Variants in PCLO observed in about 807,000 individuals in gnomAD.
The protein encoded by PCLO is protein piccolo.
In PCLO, 82 loss-of-function variants were observed where a neutral mutation model predicts 427.5. That is an observed-to-expected ratio of 0.19 (90% confidence interval 0.16 to 0.23). The LOEUF is 0.23. Among genes scored for constraint, PCLO ranks in the 10% least tolerant of loss-of-function variants. PCLO has a pLI of 1.00. For synonymous variants in PCLO, 2,357 were observed against 2,155.4 expected, an observed-to-expected ratio of 1.09 and a Z score of -2.59; for missense variants, 6,239 against 6,115.9, an observed-to-expected ratio of 1.02 and a Z score of -0.67.
chr7:82,923,426 T>C (rs553666429), intron 6 of PCLO, among the ~76,000 whole-genome samples: 1 of 152,138 alleles, frequency 6.6e-6, no homozygotes, highest in Admixed American at 6.6e-5. Context: ...CATATTAAAA[T>C]CTTTATTCAT....
At chr7:82,762,653 C>CAAT (rs72565364) in intron 22 of PCLO, among the ~76,000 whole-genome samples, 11,899 of 151,604 alleles carry the variant, frequency 0.078, 1,136 homozygotes, top group African/African-American at 0.23. Flanking sequence ...AATCAAATGA[C>CAAT]AACTGCTTTA....
intron 3 of PCLO, among the ~76,000 whole-genome samples, chr7:82,999,194 A>G (rs191451177): frequency 7.7e-4 from 112 of 146,268 alleles, no homozygotes; most frequent in African/African-American, 2.6e-3. Context: ...AATATTCCAG[A>G]ATTGTGGGAT....
Position 82,916,308 on chromosome 7 carries a change from G to A in PCLO, c.11678C>T (p.Pro3893Leu). The A allele has an allele frequency of 6.2e-7, 1 of 1,613,654 alleles. No homozygotes were observed. The highest frequency in any genetic ancestry group is 8.5e-7 in the Non-Finnish European group (1 of 1,179,694). Residue 3893 changes from proline (P) to leucine (L), a missense_variant, in exon 7 of 25, where the codon CCT (proline) becomes CTT (leucine). Around this residue, in one of 5 missense-constraint regions of PCLO, gnomAD observed 680 missense variants for 677.3 expected, o/e 1.00. Transcript: ENST00000333891. Reference protein sequence around the residue: ...SPYTQYQYSSPALPTQAPTSY... With the variant: ...SPYTQYQYSSLALPTQAPTSY... ...GGTGGGTGCTTGGGTAGGAAGAGCA[G>A]GGGAAGAGTACTGGTATTGTGTGTA...
intron 3 of PCLO, among the ~76,000 whole-genome samples, chr7:83,119,950 T>C (rs976226593): frequency 5.9e-5 from 9 of 151,440 alleles, no homozygotes; most frequent in Admixed American, 3.3e-4. Context: ...AGAAGAAAGA[T>C]TTAGTGAGCA....
At chr7:82,981,456 A>G (rs984856552) in intron 3 of PCLO, among the ~76,000 whole-genome samples, 6 of 152,146 alleles carry the variant, frequency 3.9e-5, no homozygotes, top group Non-Finnish European at 7.4e-5. Flanking sequence ...TGAGTGAAGA[A>G]AGATCAGAAT....
intron 3 of PCLO, among the ~76,000 whole-genome samples, chr7:83,126,641 G>T (rs1791446307): frequency 1.3e-5 from 2 of 151,748 alleles, no homozygotes; most frequent in Non-Finnish European, 2.9e-5. Flanking sequence ...ACAGATAAGG[G>T]AAAATCATTT....
intron 3 of PCLO, among the ~76,000 whole-genome samples, chr7:83,017,639 T>C (rs41602): frequency 0.22 from 33,408 of 151,848 alleles, 4,415 homozygotes; most frequent in Middle Eastern, 0.33. Context: ...GAAATGTATA[T>C]TACATATACA....
intron 9 of PCLO, among the ~76,000 whole-genome samples, chr7:82,897,548 A>G (rs1793935525): frequency 6.6e-6 from 1 of 151,466 alleles, no homozygotes; most frequent in Non-Finnish European, 1.5e-5. Flanking sequence ...CTGTTGCCTC[A>G]GTTGTTCCTA....
chr7:83,070,900 A>G (rs1789798780), intron 3 of PCLO, among the ~76,000 whole-genome samples: 1 of 152,198 alleles, frequency 6.6e-6, no homozygotes, highest in African/African-American at 2.4e-5. Flanking sequence ...CTTCTTTAAT[A>G]AAGTCTAATA....
In PCLO at chr7:82,952,367, A is replaced by C; in HGVS notation, c.8586T>G (p.His2862Gln). ...PINLSLGTPAHAVTLAITKPV... is the reference protein window; with the variant it reads ...PINLSLGTPAQAVTLAITKPV... Reference sequence around the variant, plus strand: ...GTTTTGTAATAGCCAATGTCACTGCATGTGCTGGAGTACCTAGAGATAAGT... The same window carrying C: ...GTTTTGTAATAGCCAATGTCACTGCCTGTGCTGGAGTACCTAGAGATAAGT... The change falls in exon 5 of 25, where the codon CAT becomes CAG. Residue 2862 changes from histidine (H) to glutamine (Q), a missense_variant. This residue lies in a region of PCLO where 4,677 missense variants were observed against 4,468.4 expected (regional missense o/e 1.05). Transcript: ENST00000333891. 5 of 1,613,896 alleles carry C rather than the reference A, an allele frequency of 3.1e-6. No homozygotes were observed. Among genetic ancestry groups the C allele is most frequent in the Non-Finnish European group, 4.2e-6 (5 of 1,179,790 alleles).
At chr7:82,779,044 C>T (rs1365700012) in intron 22 of PCLO, among the ~76,000 whole-genome samples, 1 of 152,092 alleles carries the variant, frequency 6.6e-6, no homozygotes, top group African/African-American at 2.4e-5. Flanking sequence ...GTTAACATAT[C>T]AATCTTCATG....
intron 22 of PCLO, among the ~76,000 whole-genome samples, chr7:82,763,753 T>TA (rs1346248691): frequency 6.6e-6 from 1 of 152,054 alleles, no homozygotes; most frequent in Non-Finnish European, 1.5e-5. Context: ...TTTTATAAAC[T>TA]AAAATACAAA....
At chr7:82,928,701 T>C (rs1217492243) in intron 6 of PCLO, among the ~76,000 whole-genome samples, 1 of 151,936 alleles carries the variant, frequency 6.6e-6, no homozygotes, top group East Asian at 1.9e-4. Flanking sequence ...TAAACATGGG[T>C]ATAGAAACAA....
chr7:82,843,417 A>T (rs1436640511), intron 13 of PCLO, among the ~76,000 whole-genome samples: 1 of 152,132 alleles, frequency 6.6e-6, no homozygotes, highest in East Asian at 1.9e-4. Flanking sequence ...GAAGGATTGG[A>T]ATGATGGTCA....
At chr7:83,096,529 C>T (rs566678395) in intron 3 of PCLO, among the ~76,000 whole-genome samples, 55 of 151,532 alleles carry the variant, frequency 3.6e-4, no homozygotes, top group African/African-American at 1.3e-3. Flanking sequence ...GAAGGACTTA[C>T]AGATCAGTGC....
At chr7:82,810,520 G>C (rs1327582010) in intron 20 of PCLO, among the ~76,000 whole-genome samples, 2 of 151,392 alleles carry the variant, frequency 1.3e-5, no homozygotes, top group African/African-American at 4.8e-5. Context: ...CTCATAGAAA[G>C]GGTCCTGTGC....
At chr7:82,925,651 C>A in intron 6 of PCLO, among the ~76,000 whole-genome samples, 1 of 151,700 alleles carries the variant, frequency 6.6e-6, no homozygotes. Context: ...TGCTTCTACC[C>A]TCTTTGGCTC....
chr7:83,149,004 T>C (rs188113745), intron 2 of PCLO, among the ~76,000 whole-genome samples: 21 of 152,300 alleles, frequency 1.4e-4, no homozygotes, highest in Admixed American at 1.1e-3. Flanking sequence ...GTTTTCTTTT[T>C]TGCAATACCC....
In PCLO at chr7:82,954,927, T is replaced by A; in HGVS notation, c.6026A>T (p.Asp2009Val). 19 of 1,613,536 alleles carry A rather than the reference T, an allele frequency of 1.2e-5. No homozygotes were observed. The highest frequency in any genetic ancestry group is 1.6e-5 in the Non-Finnish European group (19 of 1,179,770). The change falls in exon 5 of 25, where the codon GAC (aspartate) becomes GTC (valine). Residue 2009 changes from aspartate (D) to valine (V), a missense_variant. Physicochemically the swap from Asp to Val is radical, Grantham distance 152. Coordinates refer to ENST00000333891, the MANE Select transcript of PCLO (RefSeq NM_033026.6). Reference sequence around the variant, plus strand: ...TAACTCATAAAACTCTTTCTGGAGGTCTGTAATTTTCTGCATAGGATCTTC... The same window carrying A: ...TAACTCATAAAACTCTTTCTGGAGGACTGTAATTTTCTGCATAGGATCTTC... The part of the protein sequence containing the change: ...IYEDPMQKIT[D>V]LQKEFYELES...
Sources: gnomAD v4.1 joint callset for allele counts (sites outside exome capture counted in the v4.1 genomes callset) on GRCh38, gnomAD v4.1.1 for gene constraint, gnomAD v4.1.1 regional missense constraint, MANE v1.5 for transcripts, NCBI Gene and HGNC (gene_info 2026-07-23, HGNC 2026-07-21) for gene names.